Variants in COL6A6 observed in about 807,000 individuals in gnomAD.
COL6A6 encodes the protein collagen alpha-6(VI) chain.
A neutral mutation model predicts 208.6 loss-of-function variants in COL6A6; 183 were observed. The ratio of observed to expected loss-of-function variants is 0.88; its 90% CI spans 0.78 to 0.99. The LOEUF (loss-of-function observed/expected upper bound fraction) is 0.99, where lower values mean the gene tolerates loss of function less well. Ranked by LOEUF, COL6A6 falls within the 50% of genes least tolerant of loss-of-function variation. The pLI is 0.00. For missense variants in COL6A6, 2,816 were observed against 2,815.2 expected (o/e 1.00, Z -0.01); for synonymous variants, 973 against 1,011.8 (o/e 0.96, Z 0.73).
In COL6A6 at chr3:130,658,703, A is replaced by G; in HGVS notation, c.5761A>G (p.Ile1921Val). 6.2e-7 allele frequency: 1 copy of G among 1,613,080 alleles called. No homozygotes were observed. The highest frequency in any genetic ancestry group is 8.5e-7 in the Non-Finnish European group (1 of 1,179,482). ...TGACGACACTGGCACATTTCAAGTA[A>G]TAGTGGTTCCCTCCGGGGCCGACTA... ...AIDDTGTFQVIVVPSGADYIP... is the reference protein window; with the variant it reads ...AIDDTGTFQVVVVPSGADYIP... Residue 1921 changes from isoleucine to valine, a missense_variant, in exon 34 of 37, where the codon ATA becomes GTA. Coordinates refer to ENST00000358511, the MANE Select transcript of COL6A6 (RefSeq NM_001102608.3).
At chr3:130,531,060 AGT>A (rs1491370154) in intron 1 of COL6A6, among the ~76,000 whole-genome samples, 190 of 17,848 alleles carry the variant, frequency 0.011, 1 homozygote, top group African/African-American at 0.019. Flanking sequence ...ACACACACAC[AGT>A]CTCTCTCTCT....
At chr3:130,585,994 G>T (rs1457828749) in intron 10 of COL6A6, among the ~76,000 whole-genome samples, 1 of 152,168 alleles carries the variant, frequency 6.6e-6, no homozygotes, top group Non-Finnish European at 1.5e-5. Context: ...TTGCTCTGTT[G>T]CCCAGGCTGG....
At chr3:130,535,407 G>A (rs73870074) in intron 1 of COL6A6, among the ~76,000 whole-genome samples, 5,793 of 151,264 alleles carry the variant, frequency 0.038, 305 homozygotes, top group African/African-American at 0.12. Flanking sequence ...TTTTTTCACT[G>A]TGGCTTTCTA....
At chr3:130,543,763 T>C (rs914324090) in intron 1 of COL6A6, among the ~76,000 whole-genome samples, 3 of 152,238 alleles carry the variant, frequency 2.0e-5, no homozygotes, top group Non-Finnish European at 4.4e-5. Flanking sequence ...AGATGAATTA[T>C]GAATAAGAAA....
At chr3:130,613,849 T>C (rs1157911434) in intron 23 of COL6A6, among the ~76,000 whole-genome samples, 2 of 152,214 alleles carry the variant, frequency 1.3e-5, no homozygotes, top group Non-Finnish European at 2.9e-5. Context: ...TGCTACTGAT[T>C]TTTGTATTTC....
At chr3:130,543,690 A>G (rs1443768221) in intron 1 of COL6A6, among the ~76,000 whole-genome samples, 1 of 152,164 alleles carries the variant, frequency 6.6e-6, no homozygotes, top group East Asian at 1.9e-4. Context: ...ACACATATAT[A>G]CACACACACA....
Position 130,635,778 on chromosome 3 carries a change from C to A in COL6A6, c.5091+17C>A. Reference sequence around the variant, plus strand: ...GGCAAAATGGTAAGCTTCTTAGATTCCAATTGCTGACAACCTCACTACATT... The same window carrying A: ...GGCAAAATGGTAAGCTTCTTAGATTACAATTGCTGACAACCTCACTACATT... On this transcript the variant is annotated intron_variant, in intron 28 of 36. Transcript: ENST00000358511. 1.9e-6 allele frequency: 3 copies of A among 1,595,066 alleles called. No individual in the cohort carries two copies. Among genetic ancestry groups the A allele is most frequent in the Non-Finnish European group, 2.6e-6 (3 of 1,163,900 alleles).
chr3:130,553,739 G>A (rs993993399), intron 1 of COL6A6, among the ~76,000 whole-genome samples: 2 of 151,974 alleles, frequency 1.3e-5, no homozygotes, highest in African/African-American at 4.8e-5. Context: ...GGTTTTTTGA[G>A]TTGCCAGAGT....
At position 130,594,308 on chromosome 3, in the gene COL6A6, G is replaced by A; in HGVS notation, c.4498G>A (p.Gly1500Ser). The A allele has an allele frequency of 6.2e-7, 1 of 1,613,486 alleles. No individual in the cohort carries two copies. Among genetic ancestry groups the A allele is most frequent in the Non-Finnish European group, 8.5e-7 (1 of 1,179,624 alleles). Residue 1500 changes from glycine to serine, a missense_variant, in exon 18 of 37, where the codon GGT becomes AGT. By Grantham distance (56) the Gly-to-Ser change is moderately conservative. Coordinates refer to ENST00000358511, the MANE Select transcript of COL6A6 (RefSeq NM_001102608.3). The part of the protein sequence containing the change: ...QGSPGKRGTP[G>S]DRGAKGLRGD... ...AAGCCCAGGGAAGAGAGGGACTCCT[G>A]GTGACCGTGGAGCAAAGGGCCTGCG...
At chr3:130,625,033 A>C (rs865900333) in intron 24 of COL6A6, among the ~76,000 whole-genome samples, 2 of 152,200 alleles carry the variant, frequency 1.3e-5, no homozygotes, top group African/African-American at 4.8e-5. Flanking sequence ...TTTAGTGTGC[A>C]TATGAATCAG....
At chr3:130,608,481 T>C (rs1477746274) in intron 21 of COL6A6, among the ~76,000 whole-genome samples, 1 of 152,172 alleles carries the variant, frequency 6.6e-6, no homozygotes, top group Non-Finnish European at 1.5e-5. Context: ...TGCTCAACTT[T>C]TGTTCCCTAG....
chr3:130,671,395 A>G (rs1375835864), intron 36 of COL6A6, among the ~76,000 whole-genome samples: 1 of 152,228 alleles, frequency 6.6e-6, no homozygotes, highest in East Asian at 1.9e-4. Flanking sequence ...ACACTGCCCC[A>G]GATTCACTGG....
chr3:130,565,454 G>C lies in COL6A6; in HGVS notation c.1122G>C (p.Gln374His), dbSNP rs751887025. The C allele has an allele frequency of 1.2e-6, 2 of 1,613,960 alleles. No homozygotes were observed. The highest frequency in any genetic ancestry group is 1.7e-5 in the Admixed American group (1 of 60,020). ...GCATAGAGGGCGCCAGCGACACCCA[G>C]TTGGAAAAGATAGCATCCCACCCTG... Reference protein sequence around the residue: ...TLGIEGASDTQLEKIASHPAE... With the variant: ...TLGIEGASDTHLEKIASHPAE... The change falls in exon 4 of 37, where the codon CAG (glutamine) becomes CAC (histidine). Residue 374 changes from glutamine to histidine, a missense_variant. By Grantham distance (24) the Gln-to-His change is conservative. Coordinates refer to ENST00000358511, the MANE Select transcript of COL6A6 (RefSeq NM_001102608.3).
intron 1 of COL6A6, among the ~76,000 whole-genome samples, chr3:130,536,864 G>T (rs1398835496): frequency 3.3e-5 from 5 of 152,248 alleles, no homozygotes; most frequent in African/African-American, 1.2e-4. Context: ...CAGAGTGGAA[G>T]CAAGGAGTCC....
rs992044466 is a variant in COL6A6, at chr3:130,517,300, C to A, written c.-129C>A. Among the ~76,000 whole-genome samples, 1 of 152,226 alleles carries A rather than the reference C, an allele frequency of 6.6e-6. No individual in the cohort carries two copies. Among genetic ancestry groups the A allele is most frequent in the African/African-American group, 2.4e-5 (1 of 41,464 alleles). On this transcript the variant is annotated 5_prime_UTR_variant, in exon 1 of 37. Transcript: ENST00000358511. ...CGCAGGCGGCACCAAACTCTGCGCT[C>A]CCCGCGGTGCGCCCTGCCCGCGCAG... is the stretch of plus-strand genomic sequence containing the variant.
chr3:130,669,134 C>A (rs2066148123), intron 36 of COL6A6, among the ~76,000 whole-genome samples: 2 of 152,332 alleles, frequency 1.3e-5, no homozygotes, highest in South Asian at 4.1e-4. Flanking sequence ...GTGGCTCACG[C>A]CTCTAATCCC....
In COL6A6 at chr3:130,591,757, G is replaced by A. The variant is rs1256586412; in HGVS notation, c.4272+663G>A. Among the ~76,000 whole-genome samples, 6 of 152,228 alleles carry A rather than the reference G, an allele frequency of 3.9e-5. No homozygotes were observed. In the South Asian group the frequency reaches 1.2e-3, roughly 32 times the overall value. Reference sequence around the variant, plus strand: ...TTCTGGTTGTTTTACACAAGGGCTAGACTAGAAGTATAGAGACATGCAAAG... The same window carrying A: ...TTCTGGTTGTTTTACACAAGGGCTAAACTAGAAGTATAGAGACATGCAAAG... On this transcript the variant is annotated intron_variant, in intron 13 of 36. Coordinates refer to ENST00000358511, the MANE Select transcript of COL6A6 (RefSeq NM_001102608.3).
rs1222460573 is a variant in COL6A6, at chr3:130,675,505, G to A, written c.*108G>A. On this transcript the variant is annotated 3_prime_UTR_variant, in exon 37 of 37. Transcript: ENST00000358511. ...AGCAACAGTTTGTAGGTTATCAGGT[G>A]ACTTGACCCCCTGCATTCATTGGTA... is the stretch of plus-strand genomic sequence containing the variant. 7.9e-6 allele frequency: 6 copies of A among 757,608 alleles called. No homozygotes were observed. Among genetic ancestry groups the A allele is most frequent in the Middle Eastern group, 2.9e-4 (1 of 3,402 alleles). The allele number at this position is 757,608 out of a possible 1,614,324, so 46.9% of individuals were successfully genotyped here.
rs759166733 is a variant in COL6A6 at position 130,676,698 on chromosome 3, C to T, written c.*1301C>T. The T allele has an allele frequency of 3.9e-5, 6 of 152,148 alleles. No homozygotes were observed. The South Asian group carries it at 8.3e-4, about 21-fold the overall frequency. 9.4% of individuals were successfully genotyped at this position (152,148 alleles called of 1,614,324 possible). A position where few individuals can be genotyped will look rare whatever the true frequency, so the allele number is the denominator to read the frequency against. On this transcript the variant is annotated 3_prime_UTR_variant, in exon 37 of 37. Coordinates refer to ENST00000358511, the MANE Select transcript of COL6A6 (RefSeq NM_001102608.3). ...AACTATCTGCAGTATTTTTTTAAAA[C>T]GACTTCTGCTATTCTTACTTAGAGA...
Sources: gnomAD v4.1 joint callset for allele counts (sites outside exome capture counted in the v4.1 genomes callset) on GRCh38, gnomAD v4.1.1 for gene constraint, MANE v1.5 for transcripts, NCBI Gene and HGNC (gene_info 2026-07-23, HGNC 2026-07-21) for gene names.